The following PIK3C3 variants were observed in gnomAD, a reference collection of about 807,000 sequenced individuals.
PIK3C3 encodes the protein PI3-kinase type 3.
Under a neutral mutation model 126.1 loss-of-function variants are expected in PIK3C3, and 95 were observed. That is an observed-to-expected ratio of 0.75 (90% CI 0.64 to 0.89). The LOEUF (loss-of-function observed/expected upper bound fraction) is 0.89, where lower values mean the gene tolerates loss of function less well. Ranked by LOEUF, PIK3C3 falls within the 40% of genes least tolerant of loss-of-function variation. The pLI, the probability that PIK3C3 is intolerant of heterozygous loss-of-function variation, is 0.00. For synonymous variants in PIK3C3, 374 were observed against 360.0 expected (o/e 1.04, Z -0.44); for missense variants, 829 against 1,063.2 (o/e 0.78, Z 3.06).
intron 13 of PIK3C3, among the ~76,000 whole-genome samples, chr18:42,022,192 A>T (rs1334097374): frequency 6.6e-6 from 1 of 152,026 alleles, no homozygotes; most frequent in African/African-American, 2.4e-5. Context: ...CACAACGTGC[A>T]GGTTTGTTAC....
rs1983717678 is a variant in PIK3C3, at chr18:42,029,367, C to G, written c.1633C>G (p.Gln545Glu). The change falls in exon 15 of 25, where the codon CAA becomes GAA. Residue 545 changes from glutamine (Q) to glutamate (E), a missense_variant. Transcript: ENST00000262039. ...AGTTATGCGTTCTTTGCTGGCTGCA[C>G]AACAGACATTTGTAGATCGGTTGGT... ...VRVMRSLLAA[Q>E]QTFVDRLVHL... The G allele has an allele frequency of 6.2e-7, 1 of 1,613,754 alleles. No individual in the cohort carries two copies. Among genetic ancestry groups the G allele is most frequent in the African/African-American group, 1.3e-5 (1 of 74,956 alleles).
intron 24 of PIK3C3, 117 bp downstream of exon 24, chr18:42,067,630 C>T (rs1985599287): frequency 1.3e-5 from 14 of 1,096,116 alleles, no homozygotes; most frequent in Middle Eastern, 2.9e-4. Flanking sequence ...TCTATCAAGT[C>T]GTTTTGACAT....
chr18:42,040,246 G>A (rs769146380), intron 18 of PIK3C3, among the ~76,000 whole-genome samples: 3 of 148,736 alleles, frequency 2.0e-5, no homozygotes, highest in African/African-American at 5.0e-5. Context: ...GACAAAAGGA[G>A]CCATTACATA....
Position 42,086,623 on chromosome 18 carries a change from G to A in PIK3C3, c.*5486G>A. On this transcript the variant is annotated 3_prime_UTR_variant, in exon 25 of 25. Coordinates refer to ENST00000262039, the MANE Select transcript of PIK3C3 (RefSeq NM_002647.4). ...CATCCTCACTGCTCATTATACGCTA[G>A]TTATAATGCATTGACATGCTAAGAG... The A allele has an allele frequency of 6.6e-6, 1 of 152,340 alleles. No homozygotes were observed. The allele number at this position is 152,340 out of a possible 1,614,324, so 9.4% of individuals were successfully genotyped here.
At chr18:41,991,521 A>T (rs1981777011) in intron 6 of PIK3C3, among the ~76,000 whole-genome samples, 1 of 152,174 alleles carries the variant, frequency 6.6e-6, no homozygotes, top group South Asian at 2.1e-4. Flanking sequence ...CATATGACCA[A>T]GCTGATATGC....
intron 21 of PIK3C3, 152 bp from the exon 22 acceptor site, chr18:42,057,731 C>A: frequency 1.5e-6 from 1 of 651,176 alleles, no homozygotes; most frequent in East Asian, 2.9e-5. Flanking sequence ...ACTCTCAAAC[C>A]TGCAGTTAGA....
chr18:42,027,981 AAAG>A lies in PIK3C3; in HGVS notation c.1590+445_1590+447del, dbSNP rs202238880. ...TGGTTTAGCGGTTGAAAAGAAATCA[AAAG>A]AAGAAGAAGAATTTGTGATACATGA... On this transcript the variant is annotated intron_variant, in intron 14 of 24. Coordinates refer to ENST00000262039, the MANE Select transcript of PIK3C3 (RefSeq NM_002647.4). Among the ~76,000 whole-genome samples, 808 of 152,274 alleles carry A rather than the reference AAAG, an allele frequency of 5.3e-3. 4 individuals carry two copies. The highest frequency in any genetic ancestry group is 0.015 in the African/African-American group (608 of 41,568).
chr18:42,071,049 T>C (rs996832977), intron 24 of PIK3C3, among the ~76,000 whole-genome samples: 6 of 152,230 alleles, frequency 3.9e-5, no homozygotes, highest in African/African-American at 1.4e-4. Context: ...TAACATTACT[T>C]TAGCCTTGGT....
chr18:42,081,886 T>C lies in PIK3C3; in HGVS notation c.*749T>C, dbSNP rs916411795. 2.0e-5 allele frequency: 3 copies of C among 152,202 alleles called. No individual in the cohort carries two copies. The highest frequency in any genetic ancestry group is 4.8e-5 in the African/African-American group (2 of 41,460). The allele number at this position is 152,202 out of a possible 1,614,324, so 9.4% of individuals were successfully genotyped here. Reference sequence around the variant, plus strand: ...GTATTGAGCATAAGATATTTTTACATATTCATGTAAGACAATGTAAATTGT... The same window carrying C: ...GTATTGAGCATAAGATATTTTTACACATTCATGTAAGACAATGTAAATTGT... On this transcript the variant is annotated 3_prime_UTR_variant, in exon 25 of 25. Transcript: ENST00000262039.
chr18:41,980,593 A>G (rs937908878), intron 4 of PIK3C3, among the ~76,000 whole-genome samples: 1 of 152,134 alleles, frequency 6.6e-6, no homozygotes, highest in Non-Finnish European at 1.5e-5. Flanking sequence ...ATGGAGGAGG[A>G]TCACTTGTGC....
At chr18:42,033,283 G>T (rs1302361336) in intron 15 of PIK3C3, among the ~76,000 whole-genome samples, 3 of 152,166 alleles carry the variant, frequency 2.0e-5, no homozygotes, top group African/African-American at 7.2e-5. Flanking sequence ...ATGAGCTGAA[G>T]AAAATGAATG....
intron 20 of PIK3C3, among the ~76,000 whole-genome samples, chr18:42,048,532 C>A (rs1157031362): frequency 1.3e-5 from 2 of 152,142 alleles, no homozygotes; most frequent in East Asian, 3.8e-4. Context: ...ACTTAACTGG[C>A]ATCATTAAAC....
rs1986292644 is a variant in PIK3C3, at chr18:42,082,696, T to G, written c.*1559T>G. The G allele has an allele frequency of 6.6e-6, 1 of 152,196 alleles. No individual in the cohort carries two copies. Among genetic ancestry groups the G allele is most frequent in the Admixed American group, 6.5e-5 (1 of 15,270 alleles). 9.4% of individuals were successfully genotyped at this position (152,196 alleles called of 1,614,324 possible). On this transcript the variant is annotated 3_prime_UTR_variant, in exon 25 of 25. Transcript: ENST00000262039. ...AAACTGACCTTTCTTCCGTGTGAAC[T>G]CCTACACTTGCATCTCCTATTTCAG...
At position 42,086,517 on chromosome 18, in the gene PIK3C3, C is replaced by T. The variant is rs527292332; in HGVS notation, c.*5380C>T. On this transcript the variant is annotated 3_prime_UTR_variant, in exon 25 of 25. Transcript: ENST00000262039. The stretch of plus-strand genomic sequence containing the variant: ...TTGGCTCAAGATAAGGTCACAAAGA[C>T]CTTGCTGATAAAACAGTCTGTGGTA... The T allele has an allele frequency of 5.3e-5, 8 of 152,308 alleles. No individual in the cohort carries two copies. The highest frequency in any genetic ancestry group is 1.9e-4 in the African/African-American group (8 of 41,558). 9.4% of individuals were successfully genotyped at this position (152,308 alleles called of 1,614,324 possible). A position where few individuals can be genotyped will look rare whatever the true frequency, so the allele number is the denominator to read the frequency against.
In PIK3C3 at chr18:42,040,671, G is replaced by A; in HGVS notation, c.2039-6G>A. 1 of 1,603,400 alleles carries A rather than the reference G, an allele frequency of 6.2e-7. No individual in the cohort carries two copies. Among genetic ancestry groups the A allele is most frequent in the Non-Finnish European group, 8.5e-7 (1 of 1,171,442 alleles). On this transcript the variant is annotated splice_region_variant and splice_polypyrimidine_tract_variant and intron_variant, in intron 18 of 24. Coordinates refer to ENST00000262039, the MANE Select transcript of PIK3C3 (RefSeq NM_002647.4). ...TGCTTAATGCAGTGCATACATTTCT[G>A]TGTAGGCTTCATGCAGTTTATCCAG... is the stretch of plus-strand genomic sequence containing the variant.
At chr18:41,988,724 G>A (rs576935580) in intron 5 of PIK3C3, among the ~76,000 whole-genome samples, 1 of 152,198 alleles carries the variant, frequency 6.6e-6, no homozygotes, top group Non-Finnish European at 1.5e-5. Context: ...AATAAAGGTA[G>A]TGATGTTTAA....
At chr18:42,066,306 G>A (rs1243603621) in intron 23 of PIK3C3, among the ~76,000 whole-genome samples, 1 of 152,154 alleles carries the variant, frequency 6.6e-6, no homozygotes, top group East Asian at 1.9e-4. Flanking sequence ...GCACTGAGCT[G>A]GGGCTATGGA....
At chr18:42,047,575 G>T (rs1481059764) in intron 20 of PIK3C3, among the ~76,000 whole-genome samples, 1 of 152,180 alleles carries the variant, frequency 6.6e-6, no homozygotes, top group African/African-American at 2.4e-5. Flanking sequence ...CTGGGAGCTT[G>T]TTTGTATTAC....
At chr18:42,022,853 GCTA>G (rs2144423798) in intron 13 of PIK3C3, among the ~76,000 whole-genome samples, 1 of 151,970 alleles carries the variant, frequency 6.6e-6, no homozygotes, top group African/African-American at 2.4e-5. Context: ...TTGCCAAATT[GCTA>G]CTATTTCCTT....
Sources: allele counts gnomAD v4.1 joint callset (sites outside exome capture counted in the v4.1 genomes callset), GRCh38; gene constraint gnomAD v4.1.1; transcripts MANE v1.5; gene names NCBI Gene and HGNC (gene_info 2026-07-23, HGNC 2026-07-21).